Variants in DOCK7 observed in about 807,000 individuals in gnomAD.
DOCK7 encodes dedicator of cytokinesis protein 7.
Under a neutral mutation model 271.0 loss-of-function variants are expected in DOCK7, and 138 were observed. That is an observed-to-expected ratio of 0.51 (90% CI 0.44 to 0.59). DOCK7 has a LOEUF of 0.59. DOCK7 is among the 20% of genes least tolerant of loss of function. DOCK7 has a pLI of 0.00. For missense variants in DOCK7, 2,066 were observed against 2,592.4 expected (o/e 0.80, Z 4.41); for synonymous variants, 823 against 876.1 (o/e 0.94, Z 1.07).
chr1:62,487,889 A>AT (rs1646343250), intron 42 of DOCK7: 2 of 153,096 alleles, frequency 1.3e-5, no homozygotes, highest in Non-Finnish European at 2.9e-5. Context: ...GATAGTATAT[A>AT]TACAACTGAT....
Position 62,535,616 on chromosome 1 carries a change from G to A in DOCK7, c.3488C>T (p.Thr1163Met), listed in dbSNP as rs150534037. The change falls in exon 29 of 50, where the codon ACG (threonine) becomes ATG (methionine). Residue 1163 changes from threonine to methionine, a missense_variant. By Grantham distance (81) the Thr-to-Met change is moderately conservative (BLOSUM62 -1). Around this residue, in one of 2 missense-constraint regions of DOCK7, gnomAD observed 1,414 missense variants for 1,670.4 expected, o/e 0.85. Coordinates refer to ENST00000635253, the MANE Select transcript of DOCK7 (RefSeq NM_001367561.1). The part of the protein sequence containing the change: ...SATSQSSGFS[T>M]NVQDQKIANM... ...TGCAATCTTTTGGTCTTGTACATTC[G>A]TAGAAAATCCAGAACTCTGTTGGAA... 2.4e-5 allele frequency: 38 copies of A among 1,613,338 alleles called. No individual in the cohort carries two copies. Among genetic ancestry groups the A allele is most frequent in the South Asian group, 1.2e-4 (11 of 90,954 alleles).
At chr1:62,533,752 A>C (rs901880290) in intron 29 of DOCK7, among the ~76,000 whole-genome samples, 1 of 152,228 alleles carries the variant, frequency 6.6e-6, no homozygotes, top group African/African-American at 2.4e-5. Context: ...GGTATTGACT[A>C]TGCCCCTGAC....
chr1:62,612,181 T>C (rs970536767), intron 14 of DOCK7, among the ~76,000 whole-genome samples: 1 of 151,968 alleles, frequency 6.6e-6, no homozygotes, highest in Non-Finnish European at 1.5e-5. Flanking sequence ...AAAGTCCTTA[T>C]CTGTTAGAGA....
At position 62,586,497 on chromosome 1, in the gene DOCK7, C is replaced by T. The variant is rs1414240911; in HGVS notation, c.1800+10G>A. 8.3e-6 allele frequency: 13 copies of T among 1,565,540 alleles called. No homozygotes were observed. Among genetic ancestry groups the T allele is most frequent in the South Asian group, 7.0e-5 (6 of 85,756 alleles). On this transcript the variant is annotated intron_variant, in intron 15 of 49. Coordinates refer to ENST00000635253, the MANE Select transcript of DOCK7 (RefSeq NM_001367561.1). ...ACAAAAAATTAGAAAAGTAAAAGAACATTTCTTACCGGCATGGCATTGCTT... is the reference window on the plus strand; with the variant it reads ...ACAAAAAATTAGAAAAGTAAAAGAATATTTCTTACCGGCATGGCATTGCTT...
At chr1:62,583,927 AT>A (rs1300394318) in intron 15 of DOCK7, among the ~76,000 whole-genome samples, 1 of 152,214 alleles carries the variant, frequency 6.6e-6, no homozygotes, top group African/African-American at 2.4e-5. Flanking sequence ...ACTGTCGTTA[AT>A]CAGAGCAGCT....
chr1:62,636,416 AT>A (rs1444239388), intron 8 of DOCK7, 120 bp downstream of exon 8: 1 of 730,982 alleles, frequency 1.4e-6, no homozygotes, highest in Admixed American at 3.5e-5. Context: ...TTAAATTTCT[AT>A]TTCCTTTTTA....
chr1:62,595,909 A>C (rs904983390), intron 14 of DOCK7, among the ~76,000 whole-genome samples: 1 of 152,112 alleles, frequency 6.6e-6, no homozygotes, highest in African/African-American at 2.4e-5. Context: ...AGCCTGGACA[A>C]CAGAGCAAGA....
In DOCK7 at chr1:62,548,211, CAGACAAAAAAAAAA is replaced by C. The variant is rs538303489; in HGVS notation, c.2767-3186_2767-3173del. 2.0e-3 allele frequency among the ~76,000 whole-genome samples: 304 copies of C among 148,652 alleles called. 1 individual carries two copies. The highest frequency in any genetic ancestry group is 0.015 in the South Asian group (70 of 4,740). On this transcript the variant is annotated intron_variant, in intron 22 of 49. Coordinates refer to ENST00000635253, the MANE Select transcript of DOCK7 (RefSeq NM_001367561.1). ...TGCTACATTAAAAGGTAGTAAATGTCAGACAAAAAAAAAAAGACAAAAAACAGAATAACAGGATT... is the reference window on the plus strand; with the variant it reads ...TGCTACATTAAAAGGTAGTAAATGTCAGACAAAAAACAGAATAACAGGATT...
intron 35 of DOCK7, among the ~76,000 whole-genome samples, 199 bp downstream of exon 35, chr1:62,507,763 T>A (rs189288058): frequency 1.3e-5 from 2 of 152,236 alleles, no homozygotes; most frequent in East Asian, 3.8e-4. Flanking sequence ...GATAAAGATT[T>A]CATAATCATC....
intron 31 of DOCK7, among the ~76,000 whole-genome samples, chr1:62,524,035 C>A (rs2149361012): frequency 6.6e-6 from 1 of 151,872 alleles, no homozygotes; most frequent in East Asian, 1.9e-4. Flanking sequence ...AATCATTAAA[C>A]AAAAGCAAAC....
At chr1:62,651,719 G>A (rs886601976) in intron 4 of DOCK7, among the ~76,000 whole-genome samples, 1 of 152,036 alleles carries the variant, frequency 6.6e-6, no homozygotes, top group Non-Finnish European at 1.5e-5. Flanking sequence ...TCTCATGTAT[G>A]TAAGTGTATT....
At chr1:62,597,622 T>C in intron 14 of DOCK7, 3 of 1,613,032 alleles carry the variant, frequency 1.9e-6, no homozygotes, top group Non-Finnish European at 2.5e-6. Flanking sequence ...TCCTCCAGAA[T>C]TGATCAAGAC....
chr1:62,489,051 T>C lies in DOCK7; in HGVS notation c.5376A>G (p.Glu1792=). Reference sequence around the variant, plus strand: ...GTACTTTGTAAACTTCATTAACTGCTTCATACATGCCAGCCTATAAGAAAA... The same window carrying C: ...GTACTTTGTAAACTTCATTAACTGCCTCATACATGCCAGCCTATAAGAAAA... The part of the protein sequence containing the change: ...AASFSMAGMY[E]AVNEVYKVLI... Residue 1792 remains glutamate (E), a synonymous_variant, in exon 42 of 50, where the codon GAA becomes GAG. Transcript: ENST00000635253. The C allele has an allele frequency of 6.3e-7, 1 of 1,586,948 alleles. No individual in the cohort carries two copies. Among genetic ancestry groups the C allele is most frequent in the South Asian group, 1.1e-5 (1 of 87,174 alleles).
chr1:62,636,681 A>T, intron 7 of DOCK7, 78 bp from the exon 8 acceptor site: 1 of 1,220,374 alleles, frequency 8.2e-7, no homozygotes, highest in Non-Finnish European at 1.2e-6. Flanking sequence ...TTCCAAAACT[A>T]AATTATCACA....
chr1:62,475,220 G>A lies in DOCK7; in HGVS notation c.6093C>T (p.Thr2031=). 6.2e-7 allele frequency: 1 copy of A among 1,613,602 alleles called. No individual in the cohort carries two copies. The highest frequency in any genetic ancestry group is 8.5e-7 in the Non-Finnish European group (1 of 1,179,818). The change falls in exon 47 of 50, where the codon ACC becomes ACT. Residue 2031 remains threonine, a synonymous_variant. Coordinates refer to ENST00000635253, the MANE Select transcript of DOCK7 (RefSeq NM_001367561.1). ...LQMVLQGSVG[T]TVNQGPLEVA... ...AAAAAGCACTAACCTGATTCACTGTGGTGCCTACAGATCCCTGGAGTACCA... is the reference window on the plus strand; with the variant it reads ...AAAAAGCACTAACCTGATTCACTGTAGTGCCTACAGATCCCTGGAGTACCA...
intron 1 of DOCK7, among the ~76,000 whole-genome samples, chr1:62,671,190 A>AC (rs1407573725): frequency 1.3e-5 from 2 of 152,222 alleles, no homozygotes; most frequent in Non-Finnish European, 2.9e-5. Context: ...TGTAACACTC[A>AC]CTGCGAGGGT....
intron 1 of DOCK7, among the ~76,000 whole-genome samples, chr1:62,667,913 G>A (rs572906166): frequency 1.3e-5 from 2 of 152,168 alleles, no homozygotes; most frequent in South Asian, 4.2e-4. Context: ...CCAGCTACTT[G>A]GGAGACTGAG....
chr1:62,467,620 A>G lies in DOCK7; in HGVS notation c.6212+6362T>C, dbSNP rs186893206. On this transcript the variant is annotated intron_variant, in intron 48 of 49. Coordinates refer to ENST00000635253, the MANE Select transcript of DOCK7 (RefSeq NM_001367561.1). Reference sequence around the variant, plus strand: ...AGAAAAATGAAAAAGCAAAAATGTCAGACAGAAATTATGATATCCATACAG... The same window carrying G: ...AGAAAAATGAAAAAGCAAAAATGTCGGACAGAAATTATGATATCCATACAG... 2.5e-3 allele frequency among the ~76,000 whole-genome samples: 388 copies of G among 152,364 alleles called. 1 individual carries two copies. The highest frequency in any genetic ancestry group is 3.4e-3 in the Non-Finnish European group (234 of 68,024).
chr1:62,470,597 C>T (rs1292792953), intron 48 of DOCK7, among the ~76,000 whole-genome samples: 1 of 152,092 alleles, frequency 6.6e-6, no homozygotes, highest in Non-Finnish European at 1.5e-5. Context: ...AGTTCGAGAC[C>T]AGCCTGACCA....
Sources: gnomAD v4.1 joint callset for allele counts (sites outside exome capture counted in the v4.1 genomes callset) on GRCh38, gnomAD v4.1.1 for gene constraint, gnomAD v4.1.1 regional missense constraint, MANE v1.5 for transcripts, NCBI Gene and HGNC (gene_info 2026-07-23, HGNC 2026-07-21) for gene names.